Variants in TECPR2 observed in about 807,000 individuals in gnomAD.
TECPR2 encodes the protein tectonin beta-propeller repeat containing 2, also known as tectonin beta-propeller repeat-containing protein 2.
A neutral mutation model predicts 138.1 loss-of-function variants in TECPR2; 65 were observed. The observed-to-expected ratio is 0.47, with a 90% CI of 0.39 to 0.58. TECPR2 has a LOEUF of 0.58. Among genes scored for constraint, TECPR2 ranks in the 20% least tolerant of loss-of-function variants. The pLI is 0.00. For missense variants in TECPR2, 1,553 were observed against 1,824.5 expected (o/e 0.85, Z 2.71); for synonymous variants, 746 against 749.8 (o/e 0.99, Z 0.08).
chr14:102,473,664 A>C (rs1333359387), intron 17 of TECPR2, among the ~76,000 whole-genome samples: 1 of 152,182 alleles, frequency 6.6e-6, no homozygotes, highest in Non-Finnish European at 1.5e-5. Flanking sequence ...TTTGCGGTAA[A>C]GTTTTAACAA....
At chr14:102,472,867 G>A (rs78626265) in intron 17 of TECPR2, among the ~76,000 whole-genome samples, 6,382 of 152,324 alleles carry the variant, frequency 0.042, 158 homozygotes, top group Middle Eastern at 0.092. Flanking sequence ...TGCCCCTGCC[G>A]AGGCTCCCCT....
chr14:102,425,636 C>T (rs1889297875), intron 6 of TECPR2, among the ~76,000 whole-genome samples: 1 of 149,242 alleles, frequency 6.7e-6, no homozygotes, highest in African/African-American at 2.5e-5. Flanking sequence ...AGTGCAGTGG[C>T]ATGATCTCGG....
intron 4 of TECPR2, among the ~76,000 whole-genome samples, chr14:102,413,327 T>C (rs1411791228): frequency 6.6e-6 from 1 of 150,860 alleles, no homozygotes; most frequent in Non-Finnish European, 1.5e-5. Flanking sequence ...TTCATATATA[T>C]ATTGGATTTC....
At chr14:102,367,000 T>C (rs1887361856) in intron 1 of TECPR2, among the ~76,000 whole-genome samples, 1 of 152,186 alleles carries the variant, frequency 6.6e-6, no homozygotes, top group African/African-American at 2.4e-5. Flanking sequence ...TGAGATCATT[T>C]ATTCTGCATA....
chr14:102,434,977 T>C lies in TECPR2; in HGVS notation c.2160T>C (p.Ser720=), dbSNP rs1362155350. The change falls in exon 9 of 20, where the codon AGT becomes AGC. Residue 720 remains serine, a synonymous_variant. Transcript: ENST00000359520. The part of the protein sequence containing the change: ...EIPISERVLG[S]VGGQLTPVSA... ...CCATTTCTGAACGTGTCTTGGGGAG[T>C]GTGGGAGGACAGCTGACTCCGGTCT... 6.2e-7 allele frequency: 1 copy of C among 1,613,710 alleles called. No homozygotes were observed. Among genetic ancestry groups the C allele is most frequent in the African/African-American group, 1.3e-5 (1 of 74,800 alleles).
intron 15 of TECPR2, 96 bp downstream of exon 15, chr14:102,450,745 G>A: frequency 8.0e-7 from 1 of 1,251,058 alleles, no homozygotes; most frequent in South Asian, 1.3e-5. Context: ...TTGGTTATGG[G>A]GCATGCCTCG....
intron 7 of TECPR2, among the ~76,000 whole-genome samples, chr14:102,431,340 ATTT>A (rs35092221): frequency 3.6e-5 from 4 of 111,730 alleles, no homozygotes; most frequent in Admixed American, 9.7e-5. Flanking sequence ...GTTTTGGTGG[ATTT>A]TTTTTTTTTT....
chr14:102,424,190 T>G (rs559887968), intron 5 of TECPR2, among the ~76,000 whole-genome samples: 2 of 152,324 alleles, frequency 1.3e-5, no homozygotes, highest in South Asian at 4.2e-4. Flanking sequence ...GCACCACATG[T>G]GACTGTACTG....
intron 2 of TECPR2, among the ~76,000 whole-genome samples, chr14:102,384,118 C>T (rs1016518776): frequency 5.9e-5 from 9 of 151,744 alleles, no homozygotes; most frequent in Admixed American, 3.9e-4. Flanking sequence ...AGGGTTTCTC[C>T]GTGTTGGCCA....
rs1218193551 is a variant in TECPR2, at chr14:102,431,942, A to G, written c.1231A>G (p.Ser411Gly). Residue 411 changes from serine to glycine, a missense_variant, in exon 8 of 20, where the codon AGC becomes GGC. Ser to Gly is a moderately conservative substitution (Grantham distance 56, BLOSUM62 0). Coordinates refer to ENST00000359520, the MANE Select transcript of TECPR2 (RefSeq NM_014844.5). ...GGCCAGCGAGCCAAGGAGCAGGAGC[A>G]GCTCGCTCAACTCCACCGACAGCGG... The part of the protein sequence containing the change: ...SVASEPRSRS[S>G]SLNSTDSGSG... The G allele has an allele frequency of 6.2e-7, 1 of 1,612,774 alleles. No individual in the cohort carries two copies. Among genetic ancestry groups the G allele is most frequent in the East Asian group, 2.2e-5 (1 of 44,868 alleles).
intron 16 of TECPR2, among the ~76,000 whole-genome samples, chr14:102,464,176 CATT>C (rs775323884): frequency 1.4e-4 from 21 of 152,278 alleles, no homozygotes; most frequent in East Asian, 3.9e-4. Flanking sequence ...AATCGTGTAT[CATT>C]GTTGTGGGTT....
chr14:102,374,846 A>G (rs1887601762), intron 1 of TECPR2, among the ~76,000 whole-genome samples: 1 of 152,178 alleles, frequency 6.6e-6, no homozygotes, highest in Non-Finnish European at 1.5e-5. Context: ...TTTCTGTTTC[A>G]TCATTCATTC....
intron 17 of TECPR2, among the ~76,000 whole-genome samples, chr14:102,477,076 A>T (rs1890781955): frequency 6.8e-6 from 1 of 146,384 alleles, no homozygotes; most frequent in African/African-American, 2.5e-5. Flanking sequence ...AATACTAGAA[A>T]ATGCTAACAC....
intron 16 of TECPR2, among the ~76,000 whole-genome samples, chr14:102,464,246 C>T (rs1227276992): frequency 6.6e-6 from 1 of 152,238 alleles, no homozygotes; most frequent in African/African-American, 2.4e-5. Context: ...TGCTCAGGAA[C>T]TGTTGACTGC....
intron 17 of TECPR2, among the ~76,000 whole-genome samples, chr14:102,487,506 T>C (rs1891054609): frequency 6.6e-6 from 1 of 152,244 alleles, no homozygotes; most frequent in Non-Finnish European, 1.5e-5. Flanking sequence ...TGAAGAACTG[T>C]GGTCTGAGCC....
At position 102,443,595 on chromosome 14, in the gene TECPR2, G is replaced by A. The variant is rs1040702507; in HGVS notation, c.2753-52G>A. Reference sequence around the variant, plus strand: ...AAGCCAATAACCAAGTCAAAATGAGGTGTGGAGTTCTGACTGTGTGTCTTT... The same window carrying A: ...AAGCCAATAACCAAGTCAAAATGAGATGTGGAGTTCTGACTGTGTGTCTTT... On this transcript the variant is annotated intron_variant, in intron 11 of 19. Coordinates refer to ENST00000359520, the MANE Select transcript of TECPR2 (RefSeq NM_014844.5). This position sits in a 1 kb window ranked among gnomAD's most constrained non-coding sequence, Gnocchi z 4.9. 2 of 1,411,376 alleles carry A rather than the reference G, an allele frequency of 1.4e-6. No individual in the cohort carries two copies. The highest frequency in any genetic ancestry group is 1.9e-6 in the Non-Finnish European group (2 of 1,064,550). 87.4% of individuals were successfully genotyped at this position (1,411,376 alleles called of 1,614,324 possible).
intron 2 of TECPR2, among the ~76,000 whole-genome samples, chr14:102,402,353 CAATG>C (rs1173634935): frequency 6.6e-6 from 1 of 152,004 alleles, no homozygotes; most frequent in Non-Finnish European, 1.5e-5. Flanking sequence ...AGATGATTGA[CAATG>C]AAAACACACA....
At chr14:102,451,297 A>G (rs1890135433) in intron 15 of TECPR2, among the ~76,000 whole-genome samples, 1 of 152,182 alleles carries the variant, frequency 6.6e-6, no homozygotes, top group East Asian at 1.9e-4. Context: ...TCCTCCCAGG[A>G]TTGCCTGAGG....
chr14:102,452,153 C>A (rs1397961883), intron 15 of TECPR2, among the ~76,000 whole-genome samples: 2 of 152,228 alleles, frequency 1.3e-5, no homozygotes, highest in Non-Finnish European at 2.9e-5. Context: ...CTAAGCCTTG[C>A]CTTCTTTCCA....
Sources: gnomAD v4.1 joint callset for allele counts (sites outside exome capture counted in the v4.1 genomes callset) on GRCh38, gnomAD v4.1.1 for gene constraint, Gnocchi (gnomAD v3.1) non-coding constraint, MANE v1.5 for transcripts, NCBI Gene and HGNC (gene_info 2026-07-23, HGNC 2026-07-21) for gene names.